The following ITPR1 variants were observed in gnomAD, a reference collection of about 807,000 sequenced individuals.
The protein encoded by ITPR1 is inositol 1,4,5-trisphosphate receptor type 1.
A neutral mutation model predicts 318.4 loss-of-function variants in ITPR1; 96 were observed. The observed-to-expected ratio is 0.30, with a 90% CI of 0.26 to 0.36. The LOEUF (loss-of-function observed/expected upper bound fraction) is 0.36. Ranked by LOEUF, ITPR1 falls within the 10% of genes least tolerant of loss-of-function variation. The probability of loss-of-function intolerance (pLI) is 1.00; values close to 1 mark genes in which losing one functional copy is unlikely to be tolerated. For synonymous variants in ITPR1, 1,312 were observed against 1,289.9 expected (o/e 1.02, Z -0.37); for missense variants, 2,440 against 3,460.2 (o/e 0.71, Z 7.40).
At chr3:4,545,583 A>G (rs1480004374) in intron 4 of ITPR1, among the ~76,000 whole-genome samples, 1 of 141,952 alleles carries the variant, frequency 7.0e-6, no homozygotes, top group African/African-American at 2.7e-5. Context: ...TGACTGTGCC[A>G]CTGCACTGCA....
intron 42 of ITPR1, 22 bp downstream of exon 42, chr3:4,727,195 G>C (rs768987429): frequency 1.3e-6 from 2 of 1,563,170 alleles, no homozygotes; most frequent in East Asian, 4.5e-5. Flanking sequence ...TGAGTCTTGG[G>C]TATCGGGAGC....
rs2094760446 is a variant in ITPR1 at position 4,706,492 on chromosome 3, T to C, written c.4842+141T>C. The C allele has an allele frequency of 4.3e-6, 3 of 692,652 alleles. No individual in the cohort carries two copies. In the East Asian group the frequency reaches 8.5e-5, roughly 20 times the overall value. 42.9% of individuals were successfully genotyped at this position (692,652 alleles called of 1,614,324 possible). ...GTGCTGAACGAATAGTCAAATGTTA[T>C]ATATGTAGGGCCAGGAGTGGGAAGT... On this transcript the variant is annotated intron_variant, in intron 37 of 61. Transcript: ENST00000649015.
At chr3:4,667,315 C>A in intron 17 of ITPR1, 62 bp from the exon 18 acceptor site, 1 of 1,302,292 alleles carries the variant, frequency 7.7e-7, no homozygotes. Flanking sequence ...TTTCTTTAGT[C>A]TACGCTTAAC....
chr3:4,615,696 C>T (rs2092361486), intron 4 of ITPR1, among the ~76,000 whole-genome samples: 2 of 152,110 alleles, frequency 1.3e-5, no homozygotes, highest in African/African-American at 4.8e-5. Context: ...TTCTTATCAC[C>T]TTTCCCTGTG....
chr3:4,773,108 C>T (rs942921054), intron 46 of ITPR1, among the ~76,000 whole-genome samples: 2 of 152,226 alleles, frequency 1.3e-5, no homozygotes, highest in South Asian at 4.1e-4. Flanking sequence ...TCTGTACGCA[C>T]ATCACAGGAG....
intron 4 of ITPR1, among the ~76,000 whole-genome samples, chr3:4,524,822 C>G (rs1406543888): frequency 6.6e-6 from 1 of 152,156 alleles, no homozygotes; most frequent in East Asian, 1.9e-4. Flanking sequence ...TCCATGAATT[C>G]TTTGCTGTGT....
At chr3:4,618,689 A>C (rs1170498070) in intron 4 of ITPR1, among the ~76,000 whole-genome samples, 1 of 152,066 alleles carries the variant, frequency 6.6e-6, no homozygotes, top group African/African-American at 2.4e-5. Context: ...GATCCATCGG[A>C]TGATCTGACC....
At chr3:4,629,679 T>A (rs2092953014) in intron 5 of ITPR1, among the ~76,000 whole-genome samples, 1 of 152,232 alleles carries the variant, frequency 6.6e-6, no homozygotes, top group Admixed American at 6.5e-5. Context: ...GGGAGCTGAA[T>A]ATCAAAGAAT....
At chr3:4,794,922 C>A in intron 52 of ITPR1, 143 bp from the exon 53 acceptor site, 1 of 919,000 alleles carries the variant, frequency 1.1e-6, no homozygotes, top group Non-Finnish European at 1.6e-6. Context: ...AAGTTCCAAA[C>A]AAATGATCAT....
At chr3:4,829,846 A>G (rs908535605) in intron 60 of ITPR1, among the ~76,000 whole-genome samples, 1 of 143,740 alleles carries the variant, frequency 7.0e-6, no homozygotes, top group African/African-American at 2.6e-5. Context: ...CACACCTCCT[A>G]TTTATCACTC....
Position 4,697,242 on chromosome 3 carries a change from G to T in ITPR1, c.4377G>T (p.Leu1459Phe), listed in dbSNP as rs566552796. The change falls in exon 34 of 62, where the codon TTG becomes TTT. Residue 1459 changes from leucine to phenylalanine, a missense_variant. By Grantham distance (22) the Leu-to-Phe change is conservative. Transcript: ENST00000649015. ...EIYTSNHMWKLFENFLVDICR... is the reference protein window; with the variant it reads ...EIYTSNHMWKFFENFLVDICR... ...ATACCAGCAATCACATGTGGAAATT[G>T]TTTGAGAATTTCCTTGTAGACATCT... 1 of 1,570,366 alleles carries T rather than the reference G, an allele frequency of 6.4e-7. No homozygotes were observed. Among genetic ancestry groups the T allele is most frequent in the African/African-American group, 1.4e-5 (1 of 73,954 alleles).
intron 60 of ITPR1, among the ~76,000 whole-genome samples, chr3:4,819,190 G>T (rs2049512067): frequency 6.6e-6 from 1 of 152,246 alleles, no homozygotes; most frequent in South Asian, 2.1e-4. Context: ...CCTAGAGGCA[G>T]CCAGGCTTTC....
intron 44 of ITPR1, among the ~76,000 whole-genome samples, chr3:4,757,156 T>A (rs2015714): frequency 2.6e-5 from 4 of 151,944 alleles, no homozygotes; most frequent in African/African-American, 4.8e-5. Context: ...CTCCAGGCAC[T>A]CTCTGCCTAC....
chr3:4,697,228 C>G lies in ITPR1; in HGVS notation c.4363C>G (p.His1455Asp). ...AATGAAGGAGATTTATACCAGCAAT[C>G]ACATGTGGAAATTGTTTGAGAATTT... ...VEMKEIYTSN[H>D]MWKLFENFLV... is the part of the protein sequence containing the mutation. Residue 1455 changes from histidine to aspartate, a missense_variant, in exon 34 of 62, where the codon CAC (histidine) becomes GAC (aspartate). Around this residue, in one of 23 missense-constraint regions of ITPR1, gnomAD observed 73 missense variants for 59.5 expected, o/e 1.23. Transcript: ENST00000649015. 12 of 1,583,462 alleles carry G rather than the reference C, an allele frequency of 7.6e-6. No individual in the cohort carries two copies. Among genetic ancestry groups the G allele is most frequent in the Non-Finnish European group, 7.7e-6 (9 of 1,163,560 alleles).
chr3:4,581,498 G>T (rs2089335313), intron 4 of ITPR1, among the ~76,000 whole-genome samples: 2 of 152,156 alleles, frequency 1.3e-5, no homozygotes. Flanking sequence ...TATTTGGGAT[G>T]GTAGTGGTAA....
chr3:4,502,284 C>G (rs1488385296), intron 2 of ITPR1, among the ~76,000 whole-genome samples: 2 of 152,162 alleles, frequency 1.3e-5, no homozygotes, highest in Non-Finnish European at 2.9e-5. Context: ...ATTTGAAACT[C>G]CAGGGCCCTA....
At chr3:4,836,975 A>C in intron 61 of ITPR1, 40 bp downstream of exon 61, 1 of 1,493,464 alleles carries the variant, frequency 6.7e-7, no homozygotes, top group South Asian at 1.3e-5. Context: ...TCCCATCACT[A>C]TCCCCACCCA....
chr3:4,815,282 A>G, intron 59 of ITPR1, 64 bp downstream of exon 59: 1 of 1,526,496 alleles, frequency 6.6e-7, no homozygotes, highest in South Asian at 1.2e-5. Flanking sequence ...GCATGTGGAT[A>G]CTGCGAGGGT....
chr3:4,801,870 C>T (rs1036693420), intron 54 of ITPR1, among the ~76,000 whole-genome samples: 1 of 152,096 alleles, frequency 6.6e-6, no homozygotes. Context: ...TTTCGTGGGC[C>T]CCATAGGCCA....
Sources: allele counts gnomAD v4.1 joint callset (sites outside exome capture counted in the v4.1 genomes callset), GRCh38; gene constraint gnomAD v4.1.1; regional missense constraint gnomAD v4.1.1; transcripts MANE v1.5; gene names NCBI Gene and HGNC (gene_info 2026-07-23, HGNC 2026-07-21).